The following RTRAF variants were observed in gnomAD, a reference collection of about 807,000 sequenced individuals.
RTRAF encodes the protein RNA transcription, translation and transport factor.
In RTRAF, 14 loss-of-function variants were observed where a neutral mutation model predicts 34.4. That is an observed-to-expected ratio of 0.41 (90% CI 0.27 to 0.64). The LOEUF is 0.64. RTRAF is among the 30% of genes least tolerant of loss of function. The pLI, the probability that RTRAF is intolerant of heterozygous loss-of-function variation, is 0.34. For missense variants in RTRAF, 291 were observed against 288.4 expected, an observed-to-expected ratio of 1.01 and a Z score of -0.06; for synonymous variants, 96 against 95.3, an observed-to-expected ratio of 1.01 and a Z score of -0.04.
chr14:52,007,496 C>T lies in RTRAF; in HGVS notation c.*2980C>T, dbSNP rs535648419. ...AGGTAAGTTATAGTGACCCTCTCCC[C>T]GCATAAGAATAACTTCACTTAAGTT... On this transcript the variant is annotated 3_prime_UTR_variant, in exon 8 of 8. Coordinates refer to ENST00000261700, the MANE Select transcript of RTRAF (RefSeq NM_016039.3). 27 of 319,994 alleles carry T rather than the reference C, an allele frequency of 8.4e-5. No individual in the cohort carries two copies. The highest frequency in any genetic ancestry group is 5.6e-4 in the African/African-American group (25 of 44,878). 19.8% of individuals were successfully genotyped at this position (319,994 alleles called of 1,614,324 possible). A position where few individuals can be genotyped will look rare whatever the true frequency, so the allele number is the denominator to read the frequency against.
chr14:52,002,441 G>A (rs1048468992), intron 6 of RTRAF, among the ~76,000 whole-genome samples: 1 of 152,186 alleles, frequency 6.6e-6, no homozygotes, highest in African/African-American at 2.4e-5. Context: ...GTCTGCATGA[G>A]CTTGTCAGTC....
intron 6 of RTRAF, among the ~76,000 whole-genome samples, chr14:52,003,776 C>T (rs943025758): frequency 2.6e-5 from 4 of 152,154 alleles, no homozygotes; most frequent in Non-Finnish European, 1.5e-5. Context: ...TTTGTAAAGA[C>T]AAATTAATGT....
Position 52,004,448 on chromosome 14 carries a change from A to G in RTRAF, c.667A>G (p.Ile223Val), listed in dbSNP as rs117327564. The G allele has an allele frequency of 1.1e-3, 1,762 of 1,614,036 alleles. No individual in the cohort carries two copies. The highest frequency in any genetic ancestry group is 1.4e-3 in the Non-Finnish European group (1,691 of 1,179,912). Residue 223 changes from isoleucine (I) to valine (V), a missense_variant, in exon 8 of 8, where the codon ATA becomes GTA. Ile to Val is a conservative substitution (Grantham distance 29). Transcript: ENST00000261700. ...GCTACAGACAAAAATCAACGAAGCC[A>G]TAGTAGCTGTTCAGGCAATTATTGC... is the stretch of plus-strand genomic sequence containing the variant. Reference protein sequence around the residue: ...RELQTKINEAIVAVQAIIADP... With the variant: ...RELQTKINEAVVAVQAIIADP...
rs1890473518 is a variant in RTRAF, at chr14:51,993,769, A to C, written c.233A>C (p.Glu78Ala). 1 of 1,605,894 alleles carries C rather than the reference A, an allele frequency of 6.2e-7. No homozygotes were observed. The highest frequency in any genetic ancestry group is 2.3e-5 in the East Asian group (1 of 44,366). Residue 78 changes from glutamate (E) to alanine (A), a missense_variant, in exon 3 of 8, where the codon GAA becomes GCA. Transcript: ENST00000261700. The part of the protein sequence containing the change: ...NCPFKIQDRQ[E>A]AIDWLLGLAV... ...CCTTTCAAGATTCAAGATCGACAAG[A>C]AGCTATTGACTGGCTTCTTGGTTTA... is the stretch of plus-strand genomic sequence containing the variant.
At chr14:52,001,629 T>G (rs1890602957) in intron 5 of RTRAF, among the ~76,000 whole-genome samples, 169 bp from the exon 6 acceptor site, 2 of 152,334 alleles carry the variant, frequency 1.3e-5, no homozygotes, top group Non-Finnish European at 2.9e-5. Context: ...TGTGAAAGGT[T>G]ACGTTATATT....
At position 52,006,413 on chromosome 14, in the gene RTRAF, T is replaced by C. The variant is rs924302175; in HGVS notation, c.*1897T>C. On this transcript the variant is annotated 3_prime_UTR_variant, in exon 8 of 8. Transcript: ENST00000261700. ...AGGATCTTATCTGCCAATGAGGAGG[T>C]GATGAAACAAAAGCCTCAGAGGGCT... The C allele has an allele frequency of 5.4e-5, 53 of 984,390 alleles. 2 individuals are homozygous for C. The Middle Eastern group carries it at 1.4e-3, about 26-fold the overall frequency. The allele number at this position is 984,390 out of a possible 1,614,324, so 61.0% of individuals were successfully genotyped here.
rs1890931441 is a variant in RTRAF, at chr14:52,009,661, A to C, written c.*5145A>C. 6.6e-6 allele frequency: 1 copy of C among 152,236 alleles called. No individual in the cohort carries two copies. The highest frequency in any genetic ancestry group is 1.5e-5 in the Non-Finnish European group (1 of 68,080). 9.4% of individuals were successfully genotyped at this position (152,236 alleles called of 1,614,324 possible). On this transcript the variant is annotated 3_prime_UTR_variant, in exon 8 of 8. Transcript: ENST00000261700. ...AGACATGGCCAAAGTTTCATTGCCT[A>C]CAAGATGGCAGCTCTCCCCAGTTTT...
intron 6 of RTRAF, among the ~76,000 whole-genome samples, chr14:52,003,078 T>C (rs1890629527): frequency 6.6e-6 from 1 of 152,244 alleles, no homozygotes; most frequent in Non-Finnish European, 1.5e-5. Context: ...CTCTTTGCTC[T>C]TGTTTGTAAA....
rs1045184802 is a variant in RTRAF, at chr14:52,005,398, T to C, written c.*882T>C. 2 of 1,341,652 alleles carry C rather than the reference T, an allele frequency of 1.5e-6. 1 individual carries two copies. The allele number at this position is 1,341,652 out of a possible 1,614,324, so 83.1% of individuals were successfully genotyped here. The stretch of plus-strand genomic sequence containing the variant: ...TCAGGAACGTCTAATGGCCAATTCC[T>C]TTTTTACTTTCTTTGCCTTTGCAGT... On this transcript the variant is annotated 3_prime_UTR_variant, in exon 8 of 8. Coordinates refer to ENST00000261700, the MANE Select transcript of RTRAF (RefSeq NM_016039.3).
At chr14:51,996,088 T>C (rs1221184524) in intron 3 of RTRAF, among the ~76,000 whole-genome samples, 1 of 152,136 alleles carries the variant, frequency 6.6e-6, no homozygotes, top group Non-Finnish European at 1.5e-5. Context: ...ATACCTGCAG[T>C]TGACTTTAGT....
In RTRAF at chr14:52,004,740, T is replaced by TTGTGGTTAAGGCATATATGCCAACCC; in HGVS notation, c.*225_*250dup. ...TGTTTGCATAAATCACCTTTCTCCT[T>TTGTGGTTAAGGCATATATGCCAACCC]TGTGGTTAAGGCATATATGCCAACC... On this transcript the variant is annotated 3_prime_UTR_variant, in exon 8 of 8. Coordinates refer to ENST00000261700, the MANE Select transcript of RTRAF (RefSeq NM_016039.3). 1 of 423,926 alleles carries TTGTGGTTAAGGCATATATGCCAACCC rather than the reference T, an allele frequency of 2.4e-6. No individual in the cohort carries two copies. Among genetic ancestry groups the TTGTGGTTAAGGCATATATGCCAACCC allele is most frequent in the Non-Finnish European group, 4.1e-6 (1 of 243,514 alleles). The allele number at this position is 423,926 out of a possible 1,614,324, so 26.3% of individuals were successfully genotyped here.
At chr14:52,003,401 A>G (rs1890639145) in intron 6 of RTRAF, among the ~76,000 whole-genome samples, 1 of 152,170 alleles carries the variant, frequency 6.6e-6, no homozygotes, top group African/African-American at 2.4e-5. Flanking sequence ...GTTTTAAAGC[A>G]GACAGAGCCT....
rs756927492 is a variant in RTRAF at position 52,008,002 on chromosome 14, C to A, written c.*3486C>A. The A allele has an allele frequency of 6.4e-7, 1 of 1,573,004 alleles. No individual in the cohort carries two copies. Among genetic ancestry groups the A allele is most frequent in the South Asian group, 1.2e-5 (1 of 85,620 alleles). ...AAAAATCAAGATTGTAAAAGAATAG[C>A]CATGTAGCCTGTGGTAGGCAGCATC... On this transcript the variant is annotated 3_prime_UTR_variant, in exon 8 of 8. Transcript: ENST00000261700.
intron 3 of RTRAF, among the ~76,000 whole-genome samples, chr14:51,997,497 T>C (rs1432347602): frequency 1.3e-5 from 2 of 151,966 alleles, no homozygotes; most frequent in East Asian, 3.8e-4. Flanking sequence ...ATTTTATGCT[T>C]TTATTTTTTC....
intron 1 of RTRAF, among the ~76,000 whole-genome samples, chr14:51,990,002 T>G (rs913325168): frequency 3.9e-5 from 6 of 152,246 alleles, no homozygotes; most frequent in African/African-American, 1.2e-4. Flanking sequence ...CACTCACTAT[T>G]CAACTCCATG....
rs781278608 is a variant in RTRAF, at chr14:51,989,679, C to G, written c.40C>G (p.Pro14Ala). 5 of 1,605,496 alleles carry G rather than the reference C, an allele frequency of 3.1e-6. No individual in the cohort carries two copies. The highest frequency in any genetic ancestry group is 4.3e-6 in the Non-Finnish European group (5 of 1,176,456). Residue 14 changes from proline (P) to alanine (A), a missense_variant, in exon 1 of 8, where the codon CCC becomes GCC. Physicochemically the swap from Pro to Ala is conservative, Grantham distance 27. Transcript: ENST00000261700. ...GTTGACGGCTCTCGACTACCACAAC[C>G]CCGCCGGCTTCAACTGCAAAGGTGA... ...RKLTALDYHN[P>A]AGFNCKDETE...
chr14:52,005,682 A>G lies in RTRAF; in HGVS notation c.*1166A>G, dbSNP rs745646372. 5.5e-6 allele frequency: 8 copies of G among 1,452,874 alleles called. No homozygotes were observed. The South Asian group carries it at 6.8e-5, about 12-fold the overall frequency. 90.0% of individuals were successfully genotyped at this position (1,452,874 alleles called of 1,614,324 possible). ...CAGCAGGGGTAATCAAATACCATAT[A>G]TATCCCTTCTCTACCCTGCTAATTT... On this transcript the variant is annotated 3_prime_UTR_variant, in exon 8 of 8. Transcript: ENST00000261700.
chr14:52,002,131 T>C (rs1247020804), intron 6 of RTRAF, among the ~76,000 whole-genome samples: 1 of 152,202 alleles, frequency 6.6e-6, no homozygotes. Context: ...CAAATCATGC[T>C]TGTGGCCCGT....
In RTRAF at chr14:52,005,878, G is replaced by A; in HGVS notation, c.*1362G>A. The A allele has an allele frequency of 6.6e-7, 1 of 1,507,078 alleles. No individual in the cohort carries two copies. Among genetic ancestry groups the A allele is most frequent in the Middle Eastern group, 1.7e-4 (1 of 5,868 alleles). The allele number at this position is 1,507,078 out of a possible 1,614,324, so 93.4% of individuals were successfully genotyped here. On this transcript the variant is annotated 3_prime_UTR_variant, in exon 8 of 8. Coordinates refer to ENST00000261700, the MANE Select transcript of RTRAF (RefSeq NM_016039.3). ...GTAACAGAAAGGAAGAGTGAATTCA[G>A]GGACAGTCATTTACTAGATAAAGAA...
Sources: allele counts gnomAD v4.1 joint callset (sites outside exome capture counted in the v4.1 genomes callset), GRCh38; gene constraint gnomAD v4.1.1; transcripts MANE v1.5; gene names NCBI Gene and HGNC (gene_info 2026-07-23, HGNC 2026-07-21).